EPS15: variants seen among roughly 807,000 people sequenced by gnomAD.
EPS15 encodes the protein epidermal growth factor receptor substrate 15.
EPS15 carries 72 observed loss-of-function variants against 113.8 expected under a neutral mutation model. The observed-to-expected ratio is 0.63, with a 90% confidence interval of 0.52 to 0.77. The LOEUF (loss-of-function observed/expected upper bound fraction) is 0.77. Among genes scored for constraint, EPS15 ranks in the 30% least tolerant of loss-of-function variants. EPS15 has a pLI of 0.00. For synonymous variants in EPS15, 344 were observed against 363.4 expected (o/e 0.95, Z 0.61); for missense variants, 1,048 against 1,045.8 (o/e 1.00, Z -0.03).
At chr1:51,494,556 C>T (rs761686430) in intron 1 of EPS15, among the ~76,000 whole-genome samples, 1 of 152,228 alleles carries the variant, frequency 6.6e-6, no homozygotes, top group African/African-American at 2.4e-5. Context: ...AGTCACTCAA[C>T]AAGGTAGACC....
chr1:51,389,209 G>C (rs559570474), intron 21 of EPS15, among the ~76,000 whole-genome samples: 2 of 152,236 alleles, frequency 1.3e-5, no homozygotes, highest in African/African-American at 2.4e-5. Flanking sequence ...CAGAACCAAA[G>C]ACAAAAACCA....
chr1:51,472,744 G>T (rs1204634475), intron 3 of EPS15, 115 bp downstream of exon 3: 8 of 719,940 alleles, frequency 1.1e-5, no homozygotes, highest in Middle Eastern at 2.8e-4. Context: ...TGGCTTCTAT[G>T]ACTCGGTTCT....
At chr1:51,504,886 C>T (rs943562623) in intron 1 of EPS15, among the ~76,000 whole-genome samples, 5 of 152,090 alleles carry the variant, frequency 3.3e-5, no homozygotes, top group Non-Finnish European at 5.9e-5. Flanking sequence ...TTTGGGCGGC[C>T]GAAGCGGGTG....
chr1:51,516,200 T>C (rs1644713370), intron 1 of EPS15, among the ~76,000 whole-genome samples: 1 of 152,158 alleles, frequency 6.6e-6, no homozygotes, highest in South Asian at 2.1e-4. Context: ...CTATAAATCA[T>C]AGAACACTGT....
chr1:51,400,990 A>T, intron 18 of EPS15, 37 bp from the exon 19 acceptor site: 1 of 1,432,262 alleles, frequency 7.0e-7, no homozygotes. Flanking sequence ...CCAAATAACA[A>T]TATTTACTGT....
intron 21 of EPS15, among the ~76,000 whole-genome samples, chr1:51,370,159 G>A (rs1286776780): frequency 6.6e-6 from 1 of 152,178 alleles, no homozygotes; most frequent in Non-Finnish European, 1.5e-5. Context: ...ATCACCTAAT[G>A]ACTTCATAGC....
chr1:51,503,352 T>C (rs753727245), intron 1 of EPS15, among the ~76,000 whole-genome samples: 12 of 151,940 alleles, frequency 7.9e-5, no homozygotes, highest in Non-Finnish European at 1.8e-4. Context: ...AAAAGCAAAG[T>C]AGGCTGGGCG....
At chr1:51,383,874 T>C (rs551687894) in intron 21 of EPS15, among the ~76,000 whole-genome samples, 3 of 152,324 alleles carry the variant, frequency 2.0e-5, no homozygotes, top group African/African-American at 7.2e-5. Flanking sequence ...TTAGAACTAA[T>C]AGTTGAATTT....
At chr1:51,432,394 C>T (rs1251924952) in intron 12 of EPS15, among the ~76,000 whole-genome samples, 2 of 151,910 alleles carry the variant, frequency 1.3e-5, no homozygotes, top group African/African-American at 4.8e-5. Context: ...GATCTCAACT[C>T]CTGGCCTCAG....
chr1:51,358,050 G>A (rs1570062021), intron 24 of EPS15, among the ~76,000 whole-genome samples: 2 of 152,254 alleles, frequency 1.3e-5, no homozygotes, highest in East Asian at 3.9e-4. Context: ...CATGGTGGCT[G>A]ACATCTGTAA....
intron 1 of EPS15, among the ~76,000 whole-genome samples, chr1:51,503,742 A>G (rs1014864352): frequency 3.3e-5 from 5 of 152,254 alleles, no homozygotes; most frequent in Non-Finnish European, 7.3e-5. Context: ...ACTGCACAGG[A>G]CATATAGATC....
chr1:51,497,213 T>C (rs1472041410), intron 1 of EPS15, among the ~76,000 whole-genome samples: 3 of 152,214 alleles, frequency 2.0e-5, no homozygotes, highest in African/African-American at 7.2e-5. Flanking sequence ...TACTACCAAG[T>C]ACATACATAC....
chr1:51,355,072 T>C lies in EPS15; in HGVS notation c.*1628A>G, dbSNP rs1646189920. On this transcript the variant is annotated 3_prime_UTR_variant, in exon 25 of 25. Transcript: ENST00000371733. The stretch of plus-strand genomic sequence containing the variant: ...TCAAAATTAAGCCTTGTGATTATGA[T>C]TCAGCCCTTGCTTCATATGTATGAC... 4.5e-6 allele frequency: 1 copy of C among 221,794 alleles called. No homozygotes were observed. Among genetic ancestry groups the C allele is most frequent in the Non-Finnish European group, 9.0e-6 (1 of 110,692 alleles). 13.7% of individuals were successfully genotyped at this position (221,794 alleles called of 1,614,324 possible).
At chr1:51,441,864 C>T (rs1356577157) in intron 11 of EPS15, among the ~76,000 whole-genome samples, 1 of 152,084 alleles carries the variant, frequency 6.6e-6, no homozygotes, top group Admixed American at 6.6e-5. Flanking sequence ...GTGGCACTTG[C>T]ATATCAAGAT....
chr1:51,440,455 T>C (rs201868954), intron 11 of EPS15, 23 bp from the exon 12 acceptor site: 2 of 1,178,864 alleles, frequency 1.7e-6, no homozygotes, highest in East Asian at 4.8e-5. Context: ...AGTTCACAAT[T>C]ATACATTACT....
At chr1:51,413,505 G>C (rs761275579) in intron 13 of EPS15, among the ~76,000 whole-genome samples, 2 of 152,140 alleles carry the variant, frequency 1.3e-5, no homozygotes, top group Non-Finnish European at 2.9e-5. Flanking sequence ...GCATGAGACT[G>C]ACAGAAAGAA....
intron 13 of EPS15, among the ~76,000 whole-genome samples, chr1:51,411,781 T>C (rs1649747869): frequency 6.6e-6 from 1 of 152,182 alleles, no homozygotes; most frequent in Non-Finnish European, 1.5e-5. Context: ...AGTTCAACCA[T>C]TGTGGAAGAC....
chr1:51,368,476 A>G (rs1016139930), intron 21 of EPS15, among the ~76,000 whole-genome samples: 1 of 152,218 alleles, frequency 6.6e-6, no homozygotes, highest in African/African-American at 2.4e-5. Flanking sequence ...TCTAGCTATA[A>G]AAGATGGCCT....
intron 21 of EPS15, among the ~76,000 whole-genome samples, chr1:51,389,450 T>C (rs1647195344): frequency 6.6e-6 from 1 of 152,230 alleles, no homozygotes; most frequent in South Asian, 2.1e-4. Flanking sequence ...TTCAACACAG[T>C]GTTGGAAGTT....
Sources: gnomAD v4.1 joint callset for allele counts (sites outside exome capture counted in the v4.1 genomes callset) on GRCh38, gnomAD v4.1.1 for gene constraint, MANE v1.5 for transcripts, NCBI Gene and HGNC (gene_info 2026-07-23, HGNC 2026-07-21) for gene names.